Variants in IFT172 observed in about 807,000 individuals in gnomAD.
The protein encoded by IFT172 is intraflagellar transport protein 172 homolog.
IFT172 carries 164 observed loss-of-function variants against 248.9 expected under a neutral mutation model. The ratio of observed to expected loss-of-function variants is 0.66; its 90% CI spans 0.58 to 0.75. The LOEUF (loss-of-function observed/expected upper bound fraction) is 0.75. IFT172 is among the 30% of genes least tolerant of loss of function. IFT172 has a pLI of 0.00. For synonymous variants in IFT172, 729 were observed against 791.6 expected (o/e 0.92, Z 1.33); for missense variants, 1,950 against 2,192.4 (o/e 0.89, Z 2.21).
intron 13 of IFT172, 61 bp downstream of exon 13, chr2:27,477,156 T>C: frequency 1.4e-6 from 2 of 1,427,492 alleles, no homozygotes; most frequent in Non-Finnish European, 2.0e-6. Flanking sequence ...GGACACAGAA[T>C]TTAGGAGTCC....
Position 27,457,914 on chromosome 2 carries a change from T to C in IFT172, c.3038A>G (p.Tyr1013Cys). The change falls in exon 28 of 48, where the codon TAT becomes TGT. Residue 1013 changes from tyrosine to cysteine, a missense_variant. By Grantham distance (194) the Tyr-to-Cys change is radical. This residue lies in a region of IFT172 where 164 missense variants were observed against 239.3 expected (regional missense o/e 0.69). Coordinates refer to ENST00000260570, the MANE Select transcript of IFT172 (RefSeq NM_015662.3). ...CCCTACCAGGCGGATCATGTCATCA[T>C]ACAACTTGTGCTTTTTGTACATGGT... Reference protein sequence around the residue: ...AITMYKKHKLYDDMIRLVGKH... With the variant: ...AITMYKKHKLCDDMIRLVGKH... 6.2e-7 allele frequency: 1 copy of C among 1,614,202 alleles called. No homozygotes were observed. The highest frequency in any genetic ancestry group is 8.5e-7 in the Non-Finnish European group (1 of 1,180,006).
In IFT172 at chr2:27,456,600, CCA is replaced by C; in HGVS notation, c.3280_3281del (p.Trp1094GlyfsTer11). 1 of 1,614,164 alleles carries C rather than the reference CCA, an allele frequency of 6.2e-7. No homozygotes were observed. Among genetic ancestry groups the C allele is most frequent in the Non-Finnish European group, 8.5e-7 (1 of 1,180,026 alleles). On this transcript the variant is annotated frameshift_variant, in exon 30 of 48. Coordinates refer to ENST00000260570, the MANE Select transcript of IFT172 (RefSeq NM_015662.3). LOFTEE classifies it high-confidence loss of function. ...CAGCCTCTCCTCCCAGGCTCTTTGC[CCA>C]CAGATAGGCCACGTGTTTGTGGGCA... is the stretch of plus-strand genomic sequence containing the variant. ...ANAHKHVAYL[W>X]AKSLGGEAAV...
At position 27,445,537 on chromosome 2, in the gene IFT172, C is replaced by A; in HGVS notation, c.4915-88G>T. The A allele has an allele frequency of 6.9e-7, 1 of 1,452,088 alleles. No homozygotes were observed. Among genetic ancestry groups the A allele is most frequent in the Non-Finnish European group, 9.3e-7 (1 of 1,071,126 alleles). 90.0% of individuals were successfully genotyped at this position (1,452,088 alleles called of 1,614,324 possible). A position where few individuals can be genotyped will look rare whatever the true frequency, so the allele number is the denominator to read the frequency against. On this transcript the variant is annotated intron_variant, in intron 45 of 47. Coordinates refer to ENST00000260570, the MANE Select transcript of IFT172 (RefSeq NM_015662.3). This position sits in a 1 kb window ranked among gnomAD's most constrained non-coding sequence, Gnocchi z 4.4. Reference sequence around the variant, plus strand: ...ATGGGTGAGGAGGGGGTTTGCTAAGCCCTCATCCTGTATACCAGCTTTTAG... The same window carrying A: ...ATGGGTGAGGAGGGGGTTTGCTAAGACCTCATCCTGTATACCAGCTTTTAG...
rs745395879 is a variant in IFT172, at chr2:27,453,743, C to T, written c.3712-4G>A. 1 of 1,610,216 alleles carries T rather than the reference C, an allele frequency of 6.2e-7. No individual in the cohort carries two copies. The highest frequency in any genetic ancestry group is 1.1e-5 in the South Asian group (1 of 90,856). On this transcript the variant is annotated splice_polypyrimidine_tract_variant and splice_region_variant and intron_variant, in intron 33 of 47. Coordinates refer to ENST00000260570, the MANE Select transcript of IFT172 (RefSeq NM_015662.3). The stretch of plus-strand genomic sequence containing the variant: ...CGTCACTCCATAATCCAGCCTCCTG[C>T]TCAGATTTCCAGGTATCAAGAGGGC...
intron 5 of IFT172, 76 bp from the exon 6 acceptor site, chr2:27,483,735 A>G (rs989433606): frequency 6.5e-6 from 10 of 1,529,244 alleles, no homozygotes; most frequent in Non-Finnish European, 9.0e-6. Flanking sequence ...AAAAGGAAAA[A>G]CTGTCCCACA....
chr2:27,482,592 A>G (rs983080228), intron 7 of IFT172, among the ~76,000 whole-genome samples: 4 of 152,242 alleles, frequency 2.6e-5, no homozygotes, highest in Non-Finnish European at 5.9e-5. Context: ...CTTAATGTAA[A>G]TGATTCAAAC....
chr2:27,489,151 A>G (rs1668977874), intron 1 of IFT172, among the ~76,000 whole-genome samples: 1 of 152,230 alleles, frequency 6.6e-6, no homozygotes, highest in Non-Finnish European at 1.5e-5. Context: ...TGCTAACTCC[A>G]AAGCCCACCC....
At chr2:27,449,087 G>A (rs886296845) in intron 39 of IFT172, 56 bp from the exon 40 acceptor site, 92 of 1,156,752 alleles carry the variant, frequency 8.0e-5, no homozygotes, top group Non-Finnish European at 8.9e-5. Context: ...AGACCAAGCA[G>A]TGAGGTGACT....
At chr2:27,466,387 G>C (rs1572779622) in intron 16 of IFT172, among the ~76,000 whole-genome samples, 1 of 152,242 alleles carries the variant, frequency 6.6e-6, no homozygotes, top group African/African-American at 2.4e-5. Context: ...AGCAAATGCA[G>C]TGTCAGGAGA....
rs150202539 is a variant in IFT172 at position 27,489,531 on chromosome 2, A to T, written c.39+84T>A. ...CTTACAGCCTTCTGCACACAGTAGG[A>T]GGTCAACATCATTAAACTTCAGTTC... is the stretch of plus-strand genomic sequence containing the variant. On this transcript the variant is annotated intron_variant, in intron 1 of 47. Coordinates refer to ENST00000260570, the MANE Select transcript of IFT172 (RefSeq NM_015662.3). The T allele has an allele frequency of 1.0e-3, 977 of 978,566 alleles. 13 individuals are homozygous for T. In the East Asian group the frequency reaches 0.021, roughly 21 times the overall value. 60.6% of individuals were successfully genotyped at this position (978,566 alleles called of 1,614,324 possible). A position where few individuals can be genotyped will look rare whatever the true frequency, so the allele number is the denominator to read the frequency against.
At chr2:27,476,516 G>C (rs1667964199) in intron 14 of IFT172, 125 bp downstream of exon 14, 1 of 646,614 alleles carries the variant, frequency 1.5e-6, no homozygotes, top group South Asian at 1.8e-5. Flanking sequence ...CACTGTACAT[G>C]TGGAGTTACT....
intron 35 of IFT172, among the ~76,000 whole-genome samples, chr2:27,452,603 A>G (rs1248207235): frequency 1.3e-5 from 2 of 152,230 alleles, no homozygotes; most frequent in Non-Finnish European, 2.9e-5. Flanking sequence ...GAGGTTGCGT[A>G]GAGCTTATTG....
At chr2:27,472,503 A>C in intron 14 of IFT172, 141 bp from the exon 15 acceptor site, 2 of 647,408 alleles carry the variant, frequency 3.1e-6, no homozygotes, top group Non-Finnish European at 2.6e-6. Flanking sequence ...TATGTTGTTA[A>C]CTCAAAAGGT....
intron 26 of IFT172, 91 bp downstream of exon 26, chr2:27,458,688 G>A: frequency 1.4e-6 from 2 of 1,436,126 alleles, no homozygotes. Flanking sequence ...CTTTCAGGGA[G>A]CCAAGCGAAG....
At chr2:27,489,239 C>A (rs535508114) in intron 1 of IFT172, among the ~76,000 whole-genome samples, 2 of 152,214 alleles carry the variant, frequency 1.3e-5, no homozygotes, top group Non-Finnish European at 2.9e-5. Flanking sequence ...GGTCTTTGCA[C>A]TCCCCCTTCA....
At chr2:27,446,624 G>A (rs1030343241) in intron 42 of IFT172, 10 of 308,978 alleles carry the variant, frequency 3.2e-5, no homozygotes, top group Non-Finnish European at 6.0e-5. Context: ...AGTAATTCTC[G>A]TGCCTCAGCC....
chr2:27,482,593 T>C (rs1668468323), intron 7 of IFT172, among the ~76,000 whole-genome samples: 1 of 152,224 alleles, frequency 6.6e-6, no homozygotes, highest in Non-Finnish European at 1.5e-5. Flanking sequence ...TTAATGTAAA[T>C]GATTCAAACA....
chr2:27,445,152 G>A lies in IFT172; in HGVS notation c.5069-47C>T. On this transcript the variant is annotated intron_variant, in intron 46 of 47. Coordinates refer to ENST00000260570, the MANE Select transcript of IFT172 (RefSeq NM_015662.3). This position sits in a 1 kb window ranked among gnomAD's most constrained non-coding sequence, Gnocchi z 4.4. Reference sequence around the variant, plus strand: ...TGAACTGGGGTTTGAGAGAGATTGAGGAGGGAAAAATGAGGAGCAGCCTGG... The same window carrying A: ...TGAACTGGGGTTTGAGAGAGATTGAAGAGGGAAAAATGAGGAGCAGCCTGG... The A allele has an allele frequency of 2.5e-6, 4 of 1,609,592 alleles. No individual in the cohort carries two copies. The highest frequency in any genetic ancestry group is 3.4e-6 in the Non-Finnish European group (4 of 1,177,518).
chr2:27,447,544 G>A lies in IFT172; in HGVS notation c.4630C>T (p.Arg1544Cys), dbSNP rs587777079. ...TGTTTGACACTCTGGGCTGCAGAGC[G>A]CGTGGCATAGTAATGAGCGATCAGC... is the stretch of plus-strand genomic sequence containing the variant. ...MLLIAHYYAT[R>C]SAAQSVKQLE... The change falls in exon 42 of 48, where the codon CGC becomes TGC. Residue 1544 changes from arginine to cysteine, a missense_variant. This residue lies in a region of IFT172 where 620 missense variants were observed against 699.0 expected (regional missense o/e 0.89). Coordinates refer to ENST00000260570, the MANE Select transcript of IFT172 (RefSeq NM_015662.3). 15 of 1,613,968 alleles carry A rather than the reference G, an allele frequency of 9.3e-6. No homozygotes were observed. Among genetic ancestry groups the A allele is most frequent in the African/African-American group, 4.0e-5 (3 of 74,916 alleles).
Sources: gnomAD v4.1 joint callset for allele counts (sites outside exome capture counted in the v4.1 genomes callset) on GRCh38, gnomAD v4.1.1 for gene constraint, gnomAD v4.1.1 regional missense constraint, Gnocchi (gnomAD v3.1) non-coding constraint, MANE v1.5 for transcripts, NCBI Gene and HGNC (gene_info 2026-07-23, HGNC 2026-07-21) for gene names.